The following AIFM3 variants were observed in gnomAD, a reference collection of about 807,000 sequenced individuals.
The protein encoded by AIFM3 is AIF family member 3.
AIFM3 carries 71 observed loss-of-function variants against 82.7 expected under a neutral mutation model. The ratio of observed to expected loss-of-function variants is 0.86; its 90% CI spans 0.71 to 1.05. AIFM3 has a LOEUF of 1.05. Among genes scored for constraint, AIFM3 ranks in the 50% least tolerant of loss-of-function variants. The pLI, the probability that AIFM3 is intolerant of heterozygous loss-of-function variation, is 0.00. For synonymous variants in AIFM3, 337 were observed against 329.1 expected, an observed-to-expected ratio of 1.02 and a Z score of -0.26; for missense variants, 748 against 816.7, an observed-to-expected ratio of 0.92 and a Z score of 1.03.
chr22:20,979,039 T>C (rs1206876543), intron 16 of AIFM3, among the ~76,000 whole-genome samples: 3 of 152,174 alleles, frequency 2.0e-5, no homozygotes, highest in Admixed American at 1.3e-4. Flanking sequence ...CAGGGCACTT[T>C]ATTCAGATTC....
intron 14 of AIFM3, chr22:20,977,419 G>C: frequency 1.7e-6 from 1 of 602,022 alleles, no homozygotes; most frequent in Non-Finnish European, 2.9e-6. Context: ...CAAGATGGGA[G>C]GTGGTAGCAC....
chr22:20,978,151 CT>C, intron 16 of AIFM3, 146 bp downstream of exon 16: 1 of 769,896 alleles, frequency 1.3e-6, no homozygotes, highest in Non-Finnish European at 2.2e-6. Flanking sequence ...CCAGCCTCAT[CT>C]CGGCGATCCA....
At chr22:20,967,238 C>T (rs1399411042), upstream of AIFM3, 2 of 152,212 alleles carry the variant, frequency 1.3e-5, no homozygotes, top group Non-Finnish European at 2.9e-5. Flanking sequence ...CCCGGCCTTC[C>T]AAGGCCCGGC....
chr22:20,978,140 GC>G, intron 16 of AIFM3, 135 bp downstream of exon 16: 1 of 845,442 alleles, frequency 1.2e-6, no homozygotes, highest in Non-Finnish European at 1.9e-6. Context: ...GGATTCTCTG[GC>G]CAGCCTCATC....
intron 8 of AIFM3, 138 bp from the exon 9 acceptor site, chr22:20,975,554 G>A: frequency 1.3e-6 from 1 of 763,872 alleles, no homozygotes; most frequent in Non-Finnish European, 2.2e-6. Context: ...ACAGGCATGA[G>A]TCACTGCGCC....
Position 20,967,874 on chromosome 22 carries a change from G to A in AIFM3, c.-71G>A, listed in dbSNP as rs909782533. 9 of 1,577,480 alleles carry A rather than the reference G, an allele frequency of 5.7e-6. No homozygotes were observed. The South Asian group carries it at 8.8e-5, about 16-fold the overall frequency. ...GGCCTGCAGGGGGTCCAGCCCCATG[G>A]GGGGCGCCCTAGGCCTCCGACAGCT... On this transcript the variant is annotated 5_prime_UTR_variant, in exon 2 of 21. It introduces an in-frame stop codon into an upstream open reading frame of the 5' UTR. Transcript: ENST00000440238.
intron 19 of AIFM3, 103 bp downstream of exon 19, chr22:20,980,227 C>A: frequency 9.4e-7 from 1 of 1,062,376 alleles, no homozygotes; most frequent in South Asian, 1.5e-5. Context: ...CAGGGCCTTT[C>A]CCCTCTTGGT....
In AIFM3 at chr22:20,973,345, C is replaced by A; in HGVS notation, c.70C>A (p.Arg24=). 1 of 1,604,984 alleles carries A rather than the reference C, an allele frequency of 6.2e-7. No homozygotes were observed. The highest frequency in any genetic ancestry group is 8.5e-7 in the Non-Finnish European group (1 of 1,176,254). The stretch of plus-strand genomic sequence containing the variant: ...CGAGGTGGTGCTGCCTGAGAAGGAG[C>A]GAGGCAAGGAGGAGCTGTCGGCCAG... ...KIEVVLPEKE[R]GKEELSASGK... Residue 24 remains arginine (R), a synonymous_variant, in exon 3 of 21, where the codon CGA becomes AGA. Coordinates refer to ENST00000440238, the MANE Select transcript of AIFM3 (RefSeq NM_001386814.1).
intron 17 of AIFM3, 87 bp downstream of exon 17, chr22:20,979,456 A>C (rs1376348857): frequency 2.7e-6 from 4 of 1,479,936 alleles, no homozygotes; most frequent in Non-Finnish European, 3.7e-6. Context: ...GCCTAGGGGC[A>C]GGGCTATGAC....
At chr22:20,976,373 G>T (rs1923660870) in intron 10 of AIFM3, 35 bp from the exon 11 acceptor site, 3 of 1,613,618 alleles carry the variant, frequency 1.9e-6, no homozygotes, top group Non-Finnish European at 8.5e-7. Context: ...GGCTGGGGCT[G>T]CCAGGAGGCC....
intron 2 of AIFM3, among the ~76,000 whole-genome samples, chr22:20,971,443 C>T (rs557406451): frequency 3.3e-5 from 5 of 152,234 alleles, no homozygotes; most frequent in African/African-American, 1.2e-4. Context: ...GGGAGGGGAC[C>T]TGGCCAGCGT....
In AIFM3 at chr22:20,974,544, G is replaced by A. The variant is rs1478575465; in HGVS notation, c.530G>A (p.Arg177Lys). The change falls in exon 7 of 21, where the codon AGG becomes AAG. Residue 177 changes from arginine (R) to lysine (K), a missense_variant. Arg to Lys is a conservative substitution (Grantham distance 26, BLOSUM62 2). This residue lies in a region of AIFM3 where 393 missense variants were observed against 481.1 expected (regional missense o/e 0.82). Transcript: ENST00000440238. ...CCACAGGCCCTACAGCTGCAGCGAA[G>A]GACCAAGGTGATGGCCAAGTGTATC... ...ASKQALQLQRRTKVMAKCISP... is the reference protein window; with the variant it reads ...ASKQALQLQRKTKVMAKCISP... 3.1e-6 allele frequency: 5 copies of A among 1,613,166 alleles called. No homozygotes were observed. Among genetic ancestry groups the A allele is most frequent in the Non-Finnish European group, 4.2e-6 (5 of 1,179,750 alleles).
chr22:20,980,533 C>A, intron 19 of AIFM3: 1 of 646,252 alleles, frequency 1.5e-6, no homozygotes, highest in Non-Finnish European at 2.8e-6. Flanking sequence ...TTTCACTCAA[C>A]ACCAGCCAGT....
chr22:20,979,953 G>A, intron 18 of AIFM3, 67 bp from the exon 19 acceptor site: 1 of 1,435,044 alleles, frequency 7.0e-7, no homozygotes, highest in Non-Finnish European at 9.6e-7. Flanking sequence ...GGACAGCAGT[G>A]CATCAGGGTT....
At chr22:20,968,158 A>T (rs1364961038) in intron 2 of AIFM3, among the ~76,000 whole-genome samples, 183 bp downstream of exon 2, 1 of 152,050 alleles carries the variant, frequency 6.6e-6, no homozygotes, top group Non-Finnish European at 1.5e-5. Context: ...CAGTTCCCCC[A>T]GCTGGCCCCT....
At position 20,981,286 on chromosome 22, in the gene AIFM3, T is replaced by G; in HGVS notation, c.*255T>G. The G allele has an allele frequency of 1.8e-6, 1 of 556,878 alleles. No homozygotes were observed. Among genetic ancestry groups the G allele is most frequent in the Non-Finnish European group, 3.2e-6 (1 of 308,504 alleles). The allele number at this position is 556,878 out of a possible 1,614,324, so 34.5% of individuals were successfully genotyped here. On this transcript the variant is annotated 3_prime_UTR_variant, in exon 21 of 21. Coordinates refer to ENST00000440238, the MANE Select transcript of AIFM3 (RefSeq NM_001386814.1). ...CAAGCCCTGCCTCTTCTCCCTCTATTGGGACTGGTCCCCTGAAGAACCCTG... is the reference window on the plus strand; with the variant it reads ...CAAGCCCTGCCTCTTCTCCCTCTATGGGGACTGGTCCCCTGAAGAACCCTG...
chr22:20,979,272 G>C lies in AIFM3; in HGVS notation c.1479G>C (p.Gly493=). 1 of 1,554,668 alleles carries C rather than the reference G, an allele frequency of 6.4e-7. No homozygotes were observed. Among genetic ancestry groups the C allele is most frequent in the South Asian group, 1.2e-5 (1 of 84,312 alleles). The change falls in exon 17 of 21, where the codon GGG becomes GGC. Residue 493 remains glycine, a splice_region_variant and synonymous_variant. Transcript: ENST00000440238. ...IPHWQMAHAQ[G]RVAAQNMLAQ... ...TTCTCACGGCCCTGGGTCCCGCAGG[G>C]CGCGTGGCAGCCCAGAACATGTTGG...
In AIFM3 at chr22:20,974,814, A is replaced by G; in HGVS notation, c.718A>G (p.Lys240Glu). The G allele has an allele frequency of 6.2e-7, 1 of 1,612,232 alleles. No homozygotes were observed. Among genetic ancestry groups the G allele is most frequent in the Admixed American group, 1.7e-5 (1 of 60,008 alleles). The change falls in exon 8 of 21, where the codon AAG becomes GAG. Residue 240 changes from lysine (K) to glutamate (E), a missense_variant and splice_region_variant. This residue lies in a region of AIFM3 where 393 missense variants were observed against 481.1 expected (regional missense o/e 0.82). Transcript: ENST00000440238. ...HLPYDRPKLS[K>E]SLDTQPEQLA... Reference sequence around the variant, plus strand: ...TCCCTACGACCGTCCCAAGCTCAGCAAGGTACAGGGGGTGGGGCAAGTAGG... The same window carrying G: ...TCCCTACGACCGTCCCAAGCTCAGCGAGGTACAGGGGGTGGGGCAAGTAGG...
In AIFM3 at chr22:20,969,038, G is replaced by C. The variant is rs372917018; in HGVS notation, c.31+1063G>C. 1.1e-4 allele frequency among the ~76,000 whole-genome samples: 17 copies of C among 152,314 alleles called. No individual in the cohort carries two copies. In the East Asian group the frequency reaches 1.5e-3, roughly 14 times the overall value. On this transcript the variant is annotated intron_variant, in intron 2 of 20. Coordinates refer to ENST00000440238, the MANE Select transcript of AIFM3 (RefSeq NM_001386814.1). ...CCTGTGCTGTGGACACCTAGGCCTG[G>C]GCTGGATCCCTCTCTGCCTCAAAAT...
Sources: allele counts gnomAD v4.1 joint callset (sites outside exome capture counted in the v4.1 genomes callset), GRCh38; gene constraint gnomAD v4.1.1; regional missense constraint gnomAD v4.1.1; transcripts MANE v1.5; gene names NCBI Gene and HGNC (gene_info 2026-07-23, HGNC 2026-07-21).